The following CHN2 variants were observed in gnomAD, a reference collection of about 807,000 sequenced individuals.
The protein encoded by CHN2 is beta-chimaerin.
Under a neutral mutation model 56.3 loss-of-function variants are expected in CHN2, and 35 were observed. The ratio of observed to expected loss-of-function variants is 0.62; its 90% CI spans 0.47 to 0.82. The LOEUF is 0.82. Ranked by LOEUF, CHN2 falls within the 40% of genes least tolerant of loss-of-function variation. The pLI, the probability that CHN2 is intolerant of heterozygous loss-of-function variation, is 0.00. For missense variants in CHN2, 491 were observed against 580.5 expected, an observed-to-expected ratio of 0.85 and a Z score of 1.58; for synonymous variants, 210 against 212.8, an observed-to-expected ratio of 0.99 and a Z score of 0.12.
intron 2 of CHN2, among the ~76,000 whole-genome samples, chr7:29,357,126 A>T (rs1311892150): frequency 6.6e-6 from 1 of 152,354 alleles, no homozygotes; most frequent in South Asian, 2.1e-4. Context: ...TAAATTTAAC[A>T]GTATCAATTT....
intron 2 of CHN2, among the ~76,000 whole-genome samples, chr7:29,187,264 A>G (rs1190328443): frequency 6.6e-6 from 1 of 152,122 alleles, no homozygotes; most frequent in African/African-American, 2.4e-5. Context: ...AAATTCCACC[A>G]GGTTTCTCAC....
At chr7:29,343,854 C>T (rs370364327) in intron 1 of CHN2, among the ~76,000 whole-genome samples, 1 of 152,042 alleles carries the variant, frequency 6.6e-6, no homozygotes, top group African/African-American at 2.4e-5. Context: ...ATCTCCAGTC[C>T]AGGCCTCTTT....
At chr7:29,191,899 TC>T (rs1228285279), upstream of CHN2, 4 of 152,240 alleles carry the variant, frequency 2.6e-5, no homozygotes, top group African/African-American at 9.6e-5. Flanking sequence ...TTCCAGCATG[TC>T]CTGATAACTT....
intron 2 of CHN2, among the ~76,000 whole-genome samples, chr7:29,366,962 CTTATT>C (rs1031090494): frequency 6.6e-6 from 1 of 152,042 alleles, no homozygotes; most frequent in Non-Finnish European, 1.5e-5. Context: ...TTTTGCTTAT[CTTATT>C]ACATTTTCTA....
At chr7:29,482,025 C>T (rs1787306971) in intron 7 of CHN2, among the ~76,000 whole-genome samples, 2 of 152,124 alleles carry the variant, frequency 1.3e-5, no homozygotes, top group Non-Finnish European at 2.9e-5. Context: ...GAAAATTAAT[C>T]TTAAGACATT....
intron 1 of CHN2, among the ~76,000 whole-genome samples, chr7:29,252,600 T>G (rs1377424342): frequency 1.0e-4 from 6 of 58,762 alleles, no homozygotes; most frequent in East Asian, 3.8e-4. Flanking sequence ...TTTTTTTTTT[T>G]TTTTTTGAGA....
intron 1 of CHN2, among the ~76,000 whole-genome samples, chr7:29,255,964 T>C (rs1584884023): frequency 6.6e-6 from 1 of 152,318 alleles, no homozygotes; most frequent in Non-Finnish European, 1.5e-5. Flanking sequence ...GGAATGCTCT[T>C]CCAAATGTAA....
chr7:29,383,755 T>C (rs1175294620), intron 3 of CHN2, among the ~76,000 whole-genome samples: 1 of 152,134 alleles, frequency 6.6e-6, no homozygotes, highest in Non-Finnish European at 1.5e-5. Context: ...AAGGTCCGAC[T>C]GAGTTGTGTA....
Position 29,258,925 on chromosome 7 carries a change from A to G in CHN2, c.49+63935A>G, listed in dbSNP as rs559966730. The stretch of plus-strand genomic sequence containing the variant: ...GTATTAGGTTATTGCCTGTGCCATT[A>G]TTGTAATCCCAAAAGGTTGTAAACA... On this transcript the variant is annotated intron_variant, in intron 1 of 12. Coordinates refer to ENST00000222792, the MANE Select transcript of CHN2 (RefSeq NM_004067.4). 7.9e-5 allele frequency among the ~76,000 whole-genome samples: 12 copies of G among 151,954 alleles called. No homozygotes were observed. In the South Asian group the frequency reaches 2.3e-3, roughly 29 times the overall value.
In CHN2 at chr7:29,504,724, T is replaced by G; in HGVS notation, c.914-20T>G. 2 of 1,489,492 alleles carry G rather than the reference T, an allele frequency of 1.3e-6. No homozygotes were observed. Among genetic ancestry groups the G allele is most frequent in the Non-Finnish European group, 1.8e-6 (2 of 1,082,226 alleles). The allele number at this position is 1,489,492 out of a possible 1,614,324, so 92.3% of individuals were successfully genotyped here. On this transcript the variant is annotated intron_variant, in intron 9 of 12. Transcript: ENST00000222792. The stretch of plus-strand genomic sequence containing the variant: ...ATGTTTCAAGAAGCTAAAGTCAGTC[T>G]CTCTCTCTCTCTCTAACAGGATTAA...
At chr7:29,393,485 T>G (rs1223466188) in intron 3 of CHN2, among the ~76,000 whole-genome samples, 194 bp from the exon 4 acceptor site, 1 of 152,200 alleles carries the variant, frequency 6.6e-6, no homozygotes, top group South Asian at 2.1e-4. Flanking sequence ...GCCTAATGAT[T>G]GATTCTAGGT....
chr7:29,302,122 C>T (rs1014877015), intron 1 of CHN2, among the ~76,000 whole-genome samples: 12 of 152,212 alleles, frequency 7.9e-5, no homozygotes, highest in Admixed American at 5.9e-4. Flanking sequence ...CTGTCTCTCT[C>T]TAACAGAGTG....
At chr7:29,345,627 C>T (rs190570492) in intron 1 of CHN2, among the ~76,000 whole-genome samples, 456 of 152,232 alleles carry the variant, frequency 3.0e-3, no homozygotes, top group Middle Eastern at 0.01. Context: ...GGGATGCTGA[C>T]CGGGGGCCAG....
intron 1 of CHN2, among the ~76,000 whole-genome samples, chr7:29,265,386 C>T (rs1790056799): frequency 6.6e-6 from 1 of 152,198 alleles, no homozygotes; most frequent in Admixed American, 6.5e-5. Context: ...TAGACTTAGA[C>T]TGGCCAAACC....
intron 6 of CHN2, among the ~76,000 whole-genome samples, chr7:29,415,242 A>T (rs1358403417): frequency 1.3e-5 from 2 of 152,202 alleles, no homozygotes; most frequent in Non-Finnish European, 2.9e-5. Context: ...GCTAAGGCAC[A>T]GAACATAAAC....
chr7:29,324,670 A>T (rs1795664432), intron 1 of CHN2, among the ~76,000 whole-genome samples: 1 of 151,176 alleles, frequency 6.6e-6, no homozygotes, highest in Non-Finnish European at 1.5e-5. Context: ...ATTTTATTGA[A>T]TTTGGTGCCA....
intron 3 of CHN2, among the ~76,000 whole-genome samples, chr7:29,388,816 C>A (rs577470861): frequency 1.3e-5 from 2 of 152,144 alleles, no homozygotes; most frequent in East Asian, 3.9e-4. Context: ...ACATAACATT[C>A]GCATGGCCTC....
chr7:29,308,060 C>T (rs1411546699), intron 1 of CHN2, among the ~76,000 whole-genome samples: 3 of 152,140 alleles, frequency 2.0e-5, no homozygotes, highest in Admixed American at 6.5e-5. Flanking sequence ...CTGGGTATCT[C>T]GGCATACAAA....
At chr7:29,454,015 G>A (rs533277172) in intron 6 of CHN2, among the ~76,000 whole-genome samples, 1 of 152,154 alleles carries the variant, frequency 6.6e-6, no homozygotes, top group Non-Finnish European at 1.5e-5. Context: ...GCCAACTCTA[G>A]TGGTGGGGAC....
Sources: gnomAD v4.1 joint callset for allele counts (sites outside exome capture counted in the v4.1 genomes callset) on GRCh38, gnomAD v4.1.1 for gene constraint, MANE v1.5 for transcripts, NCBI Gene and HGNC (gene_info 2026-07-23, HGNC 2026-07-21) for gene names.